The following SREK1IP1 variants were observed in gnomAD, a reference collection of about 807,000 sequenced individuals.
The protein encoded by SREK1IP1 is protein SREK1IP1.
A neutral mutation model predicts 22.8 loss-of-function variants in SREK1IP1; 12 were observed. The ratio of observed to expected loss-of-function variants is 0.53; its 90% CI spans 0.34 to 0.85. The LOEUF (loss-of-function observed/expected upper bound fraction) is 0.85, where lower values mean the gene tolerates loss of function less well. Among genes scored for constraint, SREK1IP1 ranks in the 40% least tolerant of loss-of-function variants. SREK1IP1 has a pLI of 0.02. For synonymous variants in SREK1IP1, 53 were observed against 52.7 expected, an observed-to-expected ratio of 1.01 and a Z score of -0.02; for missense variants, 147 against 171.8, an observed-to-expected ratio of 0.86 and a Z score of 0.81.
At chr5:64,753,023 TG>T (rs1230786720) in intron 2 of SREK1IP1, among the ~76,000 whole-genome samples, 1 of 152,236 alleles carries the variant, frequency 6.6e-6, no homozygotes, top group Non-Finnish European at 1.5e-5. Flanking sequence ...TTTGCTGACT[TG>T]GCTTCTCCTA....
chr5:64,718,660 C>G lies in SREK1IP1; in HGVS notation c.*5724G>C, dbSNP rs191575238. The G allele has an allele frequency of 6.6e-6, 1 of 152,016 alleles. No homozygotes were observed. The highest frequency in any genetic ancestry group is 1.5e-5 in the Non-Finnish European group (1 of 67,968). 9.4% of individuals were successfully genotyped at this position (152,016 alleles called of 1,614,324 possible). A position where few individuals can be genotyped will look rare whatever the true frequency, so the allele number is the denominator to read the frequency against. Reference sequence around the variant, plus strand: ...AAACAAATGAGTTCTCTGGTCCCACCTAATGCTATCACATTAATACCACCT... The same window carrying G: ...AAACAAATGAGTTCTCTGGTCCCACGTAATGCTATCACATTAATACCACCT... On this transcript the variant is annotated 3_prime_UTR_variant, in exon 5 of 5. Transcript: ENST00000513458.
intron 2 of SREK1IP1, among the ~76,000 whole-genome samples, chr5:64,753,011 G>A (rs528270582): frequency 6.6e-6 from 1 of 152,124 alleles, no homozygotes; most frequent in Non-Finnish European, 1.5e-5. Flanking sequence ...TTGACAAAAC[G>A]ATTTGCTGAC....
At chr5:64,724,604 T>A in intron 4 of SREK1IP1, 31 bp from the exon 5 acceptor site, 1 of 1,450,604 alleles carries the variant, frequency 6.9e-7, no homozygotes, top group Non-Finnish European at 9.1e-7. Flanking sequence ...TGACTGAGAA[T>A]TGCATTTATG....
At chr5:64,727,308 A>C (rs1221188611) in intron 4 of SREK1IP1, among the ~76,000 whole-genome samples, 1 of 151,500 alleles carries the variant, frequency 6.6e-6, no homozygotes, top group Non-Finnish European at 1.5e-5. Context: ...TTAACAAGAG[A>C]AGTGGCCACT....
chr5:64,760,515 G>T (rs1742931181), intron 1 of SREK1IP1, among the ~76,000 whole-genome samples: 1 of 152,160 alleles, frequency 6.6e-6, no homozygotes, highest in Non-Finnish European at 1.5e-5. Context: ...GGTGCACTAG[G>T]ATAGAAAAGC....
intron 2 of SREK1IP1, among the ~76,000 whole-genome samples, chr5:64,752,275 C>A (rs1045172759): frequency 4.0e-5 from 6 of 151,624 alleles, no homozygotes; most frequent in Non-Finnish European, 8.8e-5. Context: ...TCTCAGCCTC[C>A]CAAGTAGCTG....
At chr5:64,768,213 C>T (rs1342324069) in intron 1 of SREK1IP1, among the ~76,000 whole-genome samples, 1 of 152,098 alleles carries the variant, frequency 6.6e-6, no homozygotes, top group Non-Finnish European at 1.5e-5. Context: ...GGCCGCTTGC[C>T]CCCTTAGGCC....
At chr5:64,728,639 C>T (rs1165007332) in intron 3 of SREK1IP1, among the ~76,000 whole-genome samples, 1 of 152,138 alleles carries the variant, frequency 6.6e-6, no homozygotes, top group Non-Finnish European at 1.5e-5. Context: ...CACACATTTA[C>T]TCATACACAC....
chr5:64,727,543 A>ATT (rs1278255728), intron 4 of SREK1IP1: 3 of 123,366 alleles, frequency 2.4e-5, no homozygotes, highest in African/African-American at 1.4e-4. Context: ...ATATATATAT[A>ATT]TATATATATA....
intron 3 of SREK1IP1, among the ~76,000 whole-genome samples, chr5:64,734,442 C>T (rs1189963328): frequency 4.6e-5 from 7 of 151,702 alleles, no homozygotes; most frequent in African/African-American, 1.7e-4. Flanking sequence ...TAAGGTCTTG[C>T]TTGGCTTGTC....
intron 3 of SREK1IP1, among the ~76,000 whole-genome samples, chr5:64,737,132 A>C (rs1742477698): frequency 6.6e-6 from 1 of 152,218 alleles, no homozygotes; most frequent in Non-Finnish European, 1.5e-5. Context: ...CAACACCAGC[A>C]GAATACATTC....
rs952129694 is a variant in SREK1IP1, at chr5:64,724,068, C to T, written c.*316G>A. Reference sequence around the variant, plus strand: ...TGACCCATGTTGATGGCAGTAAAGCCATTTTACAATGAACTTATGAAGTAG... The same window carrying T: ...TGACCCATGTTGATGGCAGTAAAGCTATTTTACAATGAACTTATGAAGTAG... On this transcript the variant is annotated 3_prime_UTR_variant, in exon 5 of 5. Transcript: ENST00000513458. The T allele has an allele frequency of 5.2e-6, 1 of 192,722 alleles. No individual in the cohort carries two copies. Among genetic ancestry groups the T allele is most frequent in the African/African-American group, 2.3e-5 (1 of 42,978 alleles). The allele number at this position is 192,722 out of a possible 1,614,324, so 11.9% of individuals were successfully genotyped here.
chr5:64,728,608 C>G, intron 3 of SREK1IP1, among the ~76,000 whole-genome samples: 1 of 152,248 alleles, frequency 6.6e-6, no homozygotes, highest in South Asian at 2.1e-4. Context: ...TGTAGGCATT[C>G]TTTATATAAA....
rs376473370 is a variant in SREK1IP1, at chr5:64,724,571, G to C, written c.281C>G (p.Ser94Cys). Residue 94 changes from serine to cysteine, a missense_variant and splice_region_variant, in exon 5 of 5, where the codon TCT (serine) becomes TGT (cysteine). Physicochemically the swap from Ser to Cys is moderately radical, Grantham distance 112. Transcript: ENST00000513458. The stretch of plus-strand genomic sequence containing the variant: ...CTCTTCAGTGGAACTGGATGAGTAA[G>C]ACCTATGGATAATAATACATACTGA... ...KIKLKKKRKR[S>C]YSSSSTEEDT... 305 of 1,557,466 alleles carry C rather than the reference G, an allele frequency of 2.0e-4. No homozygotes were observed. Among genetic ancestry groups the C allele is most frequent in the Non-Finnish European group, 2.5e-4 (286 of 1,161,782 alleles).
chr5:64,740,464 A>G (rs977069723), intron 3 of SREK1IP1, among the ~76,000 whole-genome samples: 19 of 152,166 alleles, frequency 1.2e-4, no homozygotes, highest in African/African-American at 4.3e-4. Flanking sequence ...TTTCTTTGGT[A>G]TAAGTAATAA....
chr5:64,727,987 A>G, intron 4 of SREK1IP1, 120 bp downstream of exon 4: 3 of 920,064 alleles, frequency 3.3e-6, no homozygotes, highest in Non-Finnish European at 4.1e-6. Flanking sequence ...AGCTCAATGA[A>G]AAGCTTAGTT....
intron 2 of SREK1IP1, among the ~76,000 whole-genome samples, chr5:64,747,882 G>A (rs542169845): frequency 7.9e-5 from 12 of 152,064 alleles, no homozygotes; most frequent in African/African-American, 2.9e-4. Context: ...GCAGTGAGCC[G>A]AGATGGCGCC....
intron 3 of SREK1IP1, among the ~76,000 whole-genome samples, chr5:64,732,132 A>G (rs555245464): frequency 2.0e-5 from 3 of 152,308 alleles, no homozygotes; most frequent in African/African-American, 7.2e-5. Context: ...AAAACTGGTC[A>G]ATGCCATTTG....
At chr5:64,752,144 GTGTTTTTT>G (rs1230735343) in intron 2 of SREK1IP1, among the ~76,000 whole-genome samples, 4 of 85,474 alleles carry the variant, frequency 4.7e-5, no homozygotes, top group African/African-American at 1.1e-4. Context: ...TTTTTTTTGT[GTGTTTTTT>G]TTTTTTTTTT....
Sources: gnomAD v4.1 joint callset for allele counts (sites outside exome capture counted in the v4.1 genomes callset) on GRCh38, gnomAD v4.1.1 for gene constraint, MANE v1.5 for transcripts, NCBI Gene and HGNC (gene_info 2026-07-23, HGNC 2026-07-21) for gene names.